Variants in SLC35F4 observed in about 807,000 individuals in gnomAD.
SLC35F4 encodes chromosome 14 open reading frame 36.
In SLC35F4, 24 loss-of-function variants were observed where a neutral mutation model predicts 44.2. The observed-to-expected ratio is 0.54, with a 90% CI of 0.39 to 0.76. SLC35F4 has a LOEUF of 0.76. Ranked by LOEUF, SLC35F4 falls within the 30% of genes least tolerant of loss-of-function variation. The pLI is 0.00. For synonymous variants in SLC35F4, 238 were observed against 223.6 expected, an observed-to-expected ratio of 1.06 and a Z score of -0.57; for missense variants, 562 against 586.1, an observed-to-expected ratio of 0.96 and a Z score of 0.42.
chr14:57,653,747 G>A (rs868034014), intron 1 of SLC35F4, among the ~76,000 whole-genome samples: 16 of 152,176 alleles, frequency 1.1e-4, no homozygotes, highest in African/African-American at 3.4e-4. Context: ...AGAGGTGGCC[G>A]CCTTATCAGG....
chr14:57,654,752 T>G (rs1428428426), intron 1 of SLC35F4, among the ~76,000 whole-genome samples: 1 of 152,196 alleles, frequency 6.6e-6, no homozygotes, highest in Non-Finnish European at 1.5e-5. Context: ...GAGCATGGCC[T>G]TATTTTAACT....
intron 1 of SLC35F4, among the ~76,000 whole-genome samples, chr14:57,779,191 T>C (rs2077561459): frequency 6.6e-6 from 1 of 152,022 alleles, no homozygotes; most frequent in African/African-American, 2.4e-5. Context: ...GATCAGTGAA[T>C]CCAGGAGTTG....
In SLC35F4 at chr14:57,591,917, C is replaced by T. The variant is rs1215208652; in HGVS notation, c.289+2022G>A. Among the ~76,000 whole-genome samples, 5 of 152,146 alleles carry T rather than the reference C, an allele frequency of 3.3e-5. No individual in the cohort carries two copies. The South Asian group carries it at 6.2e-4, about 19-fold the overall frequency. On this transcript the variant is annotated intron_variant, in intron 2 of 7. Coordinates refer to ENST00000556826, the MANE Select transcript of SLC35F4 (RefSeq NM_001306087.2). ...CCTTCTGTGAAGAATGCGTCTGCAC[C>T]ACTATACTATGGGTGTGCTTTTGAT...
intron 3 of SLC35F4, among the ~76,000 whole-genome samples, chr14:57,582,014 A>T (rs7148923): frequency 0.16 from 23,739 of 152,180 alleles, 2,179 homozygotes; most frequent in East Asian, 0.41. Context: ...CATGATAAAA[A>T]CTATAATAGA....
At chr14:57,780,814 C>A (rs926476702) in intron 1 of SLC35F4, among the ~76,000 whole-genome samples, 4 of 151,550 alleles carry the variant, frequency 2.6e-5, no homozygotes, top group Non-Finnish European at 5.9e-5. Flanking sequence ...ATGCTGCACC[C>A]CCACAACCAT....
chr14:57,746,371 G>A (rs1055622138), intron 1 of SLC35F4, among the ~76,000 whole-genome samples: 3 of 152,048 alleles, frequency 2.0e-5, no homozygotes, highest in African/African-American at 7.2e-5. Flanking sequence ...AATAAATAGT[G>A]GTTGAATTTT....
chr14:57,877,460 A>T (rs1041817925), intron 1 of SLC35F4, among the ~76,000 whole-genome samples: 4 of 152,176 alleles, frequency 2.6e-5, no homozygotes, highest in African/African-American at 9.7e-5. Context: ...TGCAATGAAC[A>T]TACACAAGCA....
chr14:57,575,845 G>A (rs2068757711), intron 4 of SLC35F4, among the ~76,000 whole-genome samples: 1 of 152,206 alleles, frequency 6.6e-6, no homozygotes, highest in Admixed American at 6.5e-5. Flanking sequence ...GGCTTTACCA[G>A]TGGACATTTG....
chr14:57,739,303 C>G (rs1016685), intron 1 of SLC35F4, among the ~76,000 whole-genome samples: 73,392 of 152,016 alleles, frequency 0.48, 17,724 homozygotes, highest in Middle Eastern at 0.56. Flanking sequence ...AGGACTCAGG[C>G]ATTCAGGGAG....
At chr14:57,781,273 C>T (rs1000111454) in intron 1 of SLC35F4, among the ~76,000 whole-genome samples, 1 of 152,076 alleles carries the variant, frequency 6.6e-6, no homozygotes, top group Non-Finnish European at 1.5e-5. Flanking sequence ...ATGGACACTT[C>T]TCAAAGAAGA....
chr14:57,757,675 CA>C (rs1300117570), intron 1 of SLC35F4, among the ~76,000 whole-genome samples: 1 of 152,008 alleles, frequency 6.6e-6, no homozygotes, highest in Non-Finnish European at 1.5e-5. Flanking sequence ...TATTTTCTCC[CA>C]GACTTTATGC....
At chr14:57,742,744 C>A (rs1277525641) in intron 1 of SLC35F4, among the ~76,000 whole-genome samples, 1 of 152,206 alleles carries the variant, frequency 6.6e-6, no homozygotes, top group African/African-American at 2.4e-5. Context: ...CTACAGAACT[C>A]TCCACCCCAA....
intron 1 of SLC35F4, among the ~76,000 whole-genome samples, chr14:57,956,392 T>C (rs1442887098): frequency 1.3e-5 from 2 of 152,214 alleles, no homozygotes; most frequent in Non-Finnish European, 2.9e-5. Context: ...AAAGACTTCA[T>C]GTCTAAAATA....
intron 1 of SLC35F4, chr14:57,837,736 G>A (rs1442974432): frequency 4.6e-5 from 7 of 152,132 alleles, no homozygotes; most frequent in African/African-American, 1.7e-4. Flanking sequence ...TCCCTAGAAA[G>A]GGGCTTTTGT....
chr14:57,643,359 G>A (rs1372562945), intron 1 of SLC35F4, among the ~76,000 whole-genome samples: 2 of 151,964 alleles, frequency 1.3e-5, no homozygotes, highest in Non-Finnish European at 2.9e-5. Context: ...GTAAGAAATA[G>A]TGCAATGCTA....
At chr14:57,712,121 G>A (rs1305573288) in intron 1 of SLC35F4, among the ~76,000 whole-genome samples, 1 of 152,140 alleles carries the variant, frequency 6.6e-6, no homozygotes, top group Non-Finnish European at 1.5e-5. Flanking sequence ...TAAATGGAGT[G>A]CAAAAGGCTC....
At chr14:57,760,576 C>T (rs1964537211) in intron 1 of SLC35F4, among the ~76,000 whole-genome samples, 1 of 152,100 alleles carries the variant, frequency 6.6e-6, no homozygotes. Flanking sequence ...CCTACAAATA[C>T]ACTTGAGCTT....
chr14:57,966,974 C>T (rs1374779012), intron 1 of SLC35F4, among the ~76,000 whole-genome samples: 2 of 151,384 alleles, frequency 1.3e-5, no homozygotes, highest in African/African-American at 2.4e-5. Flanking sequence ...TGCGCCTCTG[C>T]GTTCCAGCCT....
intron 1 of SLC35F4, among the ~76,000 whole-genome samples, chr14:57,728,856 T>TA (rs2076279116): frequency 6.6e-6 from 1 of 152,334 alleles, no homozygotes; most frequent in African/African-American, 2.4e-5. Context: ...CTGGTGTTGA[T>TA]AAAATCCCTC....
Sources: allele counts gnomAD v4.1 joint callset (sites outside exome capture counted in the v4.1 genomes callset), GRCh38; gene constraint gnomAD v4.1.1; transcripts MANE v1.5; gene names NCBI Gene and HGNC (gene_info 2026-07-23, HGNC 2026-07-21).